Variants in GALNT13 observed in about 807,000 individuals in gnomAD.
GALNT13 encodes the protein polypeptide N-acetylgalactosaminyltransferase 13.
GALNT13 carries 28 observed loss-of-function variants against 64.2 expected under a neutral mutation model. That is an observed-to-expected ratio of 0.44 (90% CI 0.32 to 0.60). The LOEUF (loss-of-function observed/expected upper bound fraction) is 0.60. Ranked by LOEUF, GALNT13 falls within the 20% of genes least tolerant of loss-of-function variation. The pLI is 0.05. For synonymous variants in GALNT13, 214 were observed against 224.6 expected (o/e 0.95, Z 0.42); for missense variants, 577 against 669.8 (o/e 0.86, Z 1.53).
At chr2:154,187,931 G>T (rs1287258260) in intron 4 of GALNT13, among the ~76,000 whole-genome samples, 1 of 151,684 alleles carries the variant, frequency 6.6e-6, no homozygotes, top group Non-Finnish European at 1.5e-5. Context: ...TTTTCTCTTA[G>T]TATTGATGAG....
intron 1 of GALNT13, among the ~76,000 whole-genome samples, chr2:153,878,835 A>C (rs1374161626): frequency 6.6e-6 from 1 of 152,194 alleles, no homozygotes; most frequent in African/African-American, 2.4e-5. Flanking sequence ...AGGTTGCTTT[A>C]GATAGTGTCT....
the GALNT13 span, among the ~76,000 whole-genome samples, chr2:153,816,252 G>A: frequency 6.6e-6 from 1 of 152,156 alleles, no homozygotes; most frequent in Non-Finnish European, 1.5e-5. Context: ...TGATGTTTGG[G>A]CAGATATCTG....
intron 1 of GALNT13, among the ~76,000 whole-genome samples, chr2:153,887,961 T>C (rs1000785754): frequency 6.6e-6 from 1 of 152,066 alleles, no homozygotes; most frequent in African/African-American, 2.4e-5. Context: ...TGATATCTAG[T>C]TTTTAATGAT....
chr2:154,455,439 T>C (rs1217927359), downstream of GALNT13, among the ~76,000 whole-genome samples: 31 of 152,212 alleles, frequency 2.0e-4, no homozygotes, highest in Admixed American at 2.0e-3. Flanking sequence ...ACAGCTGTCA[T>C]CCTGCATGGC....
the GALNT13 span, among the ~76,000 whole-genome samples, chr2:153,518,875 C>T: frequency 6.6e-6 from 1 of 152,082 alleles, no homozygotes; most frequent in East Asian, 1.9e-4. Context: ...AAGAGCCTTG[C>T]ATTGACTCAG....
chr2:153,072,894 G>A, the GALNT13 span, among the ~76,000 whole-genome samples: 4 of 152,048 alleles, frequency 2.6e-5, no homozygotes, highest in Non-Finnish European at 2.9e-5. Flanking sequence ...ATTACACAAC[G>A]GTTTGCACTA....
chr2:153,611,865 C>T, the GALNT13 span, among the ~76,000 whole-genome samples: 2 of 150,972 alleles, frequency 1.3e-5, no homozygotes, highest in African/African-American at 2.4e-5. Flanking sequence ...TTGTCCCCCA[C>T]CCCCCAACAG....
the GALNT13 span, among the ~76,000 whole-genome samples, chr2:153,784,113 A>C: frequency 6.6e-6 from 1 of 152,174 alleles, no homozygotes. Context: ...GAAAGTTTTG[A>C]ACTTCTTACA....
the GALNT13 span, among the ~76,000 whole-genome samples, chr2:153,260,113 C>T: frequency 1.3e-5 from 2 of 152,014 alleles, no homozygotes; most frequent in African/African-American, 4.8e-5. Flanking sequence ...TAGCTTTTTC[C>T]CTCCACTTTT....
At chr2:154,020,520 A>C (rs993664629) in intron 3 of GALNT13, among the ~76,000 whole-genome samples, 1 of 152,080 alleles carries the variant, frequency 6.6e-6, no homozygotes, top group South Asian at 2.1e-4. Flanking sequence ...GTCTGTTCAT[A>C]TCTTTCGCCC....
the GALNT13 span, among the ~76,000 whole-genome samples, chr2:153,629,428 G>GA: frequency 4.6e-3 from 692 of 152,030 alleles, 3 homozygotes; most frequent in African/African-American, 0.016. Context: ...ATGGTGCTGG[G>GA]AAAACTGGCT....
chr2:153,164,081 A>G, the GALNT13 span, among the ~76,000 whole-genome samples: 1 of 151,850 alleles, frequency 6.6e-6, no homozygotes, highest in South Asian at 2.1e-4. Context: ...AATTTTAATT[A>G]GAATATGACT....
the GALNT13 span, among the ~76,000 whole-genome samples, chr2:153,199,857 C>G: frequency 6.6e-6 from 1 of 152,078 alleles, no homozygotes; most frequent in Non-Finnish European, 1.5e-5. Context: ...AGCCAGTATT[C>G]ATGGGAGGAA....
chr2:154,103,545 CTT>C (rs1166365469), intron 3 of GALNT13, among the ~76,000 whole-genome samples: 2 of 152,080 alleles, frequency 1.3e-5, no homozygotes, highest in African/African-American at 4.8e-5. Flanking sequence ...TATTGAAACA[CTT>C]TGTCTTTTTG....
At chr2:153,810,812 A>G in the GALNT13 span, among the ~76,000 whole-genome samples, 5 of 152,222 alleles carry the variant, frequency 3.3e-5, no homozygotes, top group Non-Finnish European at 7.3e-5. Flanking sequence ...TGTTGTGCTT[A>G]TAAGTAGGTC....
At chr2:153,308,342 C>T in the GALNT13 span, among the ~76,000 whole-genome samples, 1 of 152,138 alleles carries the variant, frequency 6.6e-6, no homozygotes, top group Non-Finnish European at 1.5e-5. Context: ...TATGGCCCTG[C>T]ATTGCTAAGC....
intron 4 of GALNT13, among the ~76,000 whole-genome samples, chr2:154,147,674 T>A (rs998561444): frequency 3.3e-5 from 5 of 151,920 alleles, no homozygotes; most frequent in African/African-American, 1.2e-4. Context: ...CACTTAATAA[T>A]TCATATATTC....
the GALNT13 span, among the ~76,000 whole-genome samples, chr2:153,256,494 G>A: frequency 6.6e-6 from 1 of 152,182 alleles, no homozygotes; most frequent in African/African-American, 2.4e-5. Context: ...GTCCAGCTTT[G>A]TTCCGTTGCT....
At chr2:153,518,937 G>A in the GALNT13 span, among the ~76,000 whole-genome samples, 1 of 152,120 alleles carries the variant, frequency 6.6e-6, no homozygotes, top group African/African-American at 2.4e-5. Context: ...GGGCACAAAA[G>A]GGTGCATAAG....
Sources: allele counts gnomAD v4.1 joint callset (sites outside exome capture counted in the v4.1 genomes callset), GRCh38; gene constraint gnomAD v4.1.1; transcripts MANE v1.5; gene names NCBI Gene and HGNC (gene_info 2026-07-23, HGNC 2026-07-21).